LRRC8C: variants seen among roughly 807,000 people sequenced by gnomAD.
LRRC8C encodes the protein leucine rich repeat containing 8 VRAC subunit C.
LRRC8C carries 20 observed loss-of-function variants against 55.3 expected under a neutral mutation model. That is an observed-to-expected ratio of 0.36 (90% CI 0.25 to 0.53). The LOEUF is 0.53. LRRC8C is among the 20% of genes least tolerant of loss of function. The pLI is 0.92. For missense variants in LRRC8C, 659 were observed against 951.4 expected, an observed-to-expected ratio of 0.69 and a Z score of 4.04; for synonymous variants, 376 against 360.7, an observed-to-expected ratio of 1.04 and a Z score of -0.48.
Position 89,718,678 on chromosome 1 carries a change from TAA to T in LRRC8C, c.*3698_*3699del, listed in dbSNP as rs1046013819. ...GTCAGCATACTTAGTAGTGAACAGATAAAGTCAATTTGAATATAATTCCACTT... is the reference window on the plus strand; with the variant it reads ...GTCAGCATACTTAGTAGTGAACAGATAGTCAATTTGAATATAATTCCACTT... On this transcript the variant is annotated 3_prime_UTR_variant, in exon 3 of 3. Transcript: ENST00000370454. 44 of 152,304 alleles carry T rather than the reference TAA, an allele frequency of 2.9e-4. No individual in the cohort carries two copies. Among genetic ancestry groups the T allele is most frequent in the African/African-American group, 1.0e-3 (42 of 41,576 alleles). The allele number at this position is 152,304 out of a possible 1,614,324, so 9.4% of individuals were successfully genotyped here.
chr1:89,681,510 G>A (rs1277280304), intron 1 of LRRC8C, among the ~76,000 whole-genome samples: 1 of 152,198 alleles, frequency 6.6e-6, no homozygotes, highest in Admixed American at 6.5e-5. Flanking sequence ...CTGAGACTGG[G>A]TCATTTATAA....
intron 1 of LRRC8C, among the ~76,000 whole-genome samples, chr1:89,663,185 G>T (rs1364501359): frequency 5.3e-5 from 8 of 152,300 alleles, no homozygotes; most frequent in African/African-American, 1.9e-4. Flanking sequence ...GTATTCCATG[G>T]TGTATATGTG....
chr1:89,642,196 T>C (rs1050817429), intron 1 of LRRC8C, among the ~76,000 whole-genome samples: 3 of 152,344 alleles, frequency 2.0e-5, no homozygotes, highest in Admixed American at 6.5e-5. Flanking sequence ...TTGAGGACGC[T>C]TTTTTCCTCC....
intron 1 of LRRC8C, among the ~76,000 whole-genome samples, chr1:89,642,163 G>A (rs1656475134): frequency 6.6e-6 from 1 of 152,172 alleles, no homozygotes; most frequent in African/African-American, 2.4e-5. Context: ...TCTAGTACTT[G>A]TAACTGTGGT....
Position 89,714,993 on chromosome 1 carries a change from G to A in LRRC8C, c.*11G>A, listed in dbSNP as rs116787151. Reference sequence around the variant, plus strand: ...ATGAAAACAGAATAACTTATTTTTCGTTAAAGTTTGACTGAAACACGCTTC... The same window carrying A: ...ATGAAAACAGAATAACTTATTTTTCATTAAAGTTTGACTGAAACACGCTTC... On this transcript the variant is annotated 3_prime_UTR_variant, in exon 3 of 3. Transcript: ENST00000370454. This position sits in a 1 kb window ranked among gnomAD's most constrained non-coding sequence, Gnocchi z 4.6. 2.0e-3 allele frequency: 3,048 copies of A among 1,546,194 alleles called. 59 individuals are homozygous for A. In the African/African-American group the frequency reaches 0.036, roughly 18 times the overall value.
intron 1 of LRRC8C, among the ~76,000 whole-genome samples, chr1:89,651,364 C>T (rs1028975113): frequency 6.6e-6 from 1 of 152,000 alleles, no homozygotes; most frequent in Non-Finnish European, 1.5e-5. Context: ...GTCAGGAGAT[C>T]GAGACCATCC....
chr1:89,685,955 TC>T (rs1310916435), intron 1 of LRRC8C, among the ~76,000 whole-genome samples: 2 of 151,956 alleles, frequency 1.3e-5, no homozygotes, highest in African/African-American at 4.8e-5. Context: ...AACACTGTTT[TC>T]CTTTCCCATG....
chr1:89,633,602 C>A (rs1456942409), intron 1 of LRRC8C, among the ~76,000 whole-genome samples: 1 of 152,172 alleles, frequency 6.6e-6, no homozygotes, highest in Admixed American at 6.5e-5. Context: ...CGCCGCGCCG[C>A]AGCGGCAGGT....
chr1:89,677,203 G>GA (rs1295246818), intron 1 of LRRC8C, among the ~76,000 whole-genome samples: 1 of 152,138 alleles, frequency 6.6e-6, no homozygotes, highest in African/African-American at 2.4e-5. Context: ...AACACCCTTA[G>GA]AAAAATAGGT....
the LRRC8C span, among the ~76,000 whole-genome samples, chr1:89,620,251 A>G: frequency 6.6e-6 from 1 of 152,188 alleles, no homozygotes; most frequent in Non-Finnish European, 1.5e-5. Context: ...CACTTCCCAA[A>G]GGCCCCACTT....
At chr1:89,629,450 T>C (rs1053090974), upstream of LRRC8C, among the ~76,000 whole-genome samples, 5 of 152,204 alleles carry the variant, frequency 3.3e-5, no homozygotes, top group Non-Finnish European at 5.9e-5. Flanking sequence ...AAAACAAGAA[T>C]AGCAGGTTGA....
At chr1:89,674,909 T>C (rs1289103308) in intron 1 of LRRC8C, among the ~76,000 whole-genome samples, 2 of 152,232 alleles carry the variant, frequency 1.3e-5, no homozygotes, top group African/African-American at 2.4e-5. Context: ...ATCAGTCTCT[T>C]GGTTTCTGTG....
intron 1 of LRRC8C, among the ~76,000 whole-genome samples, chr1:89,641,410 G>C (rs964207972): frequency 6.6e-6 from 1 of 152,154 alleles, no homozygotes; most frequent in Admixed American, 6.5e-5. Flanking sequence ...TAACTGGATG[G>C]CTAGGTAGCT....
intron 1 of LRRC8C, among the ~76,000 whole-genome samples, chr1:89,652,532 G>A (rs896643315): frequency 7.2e-5 from 11 of 152,144 alleles, no homozygotes; most frequent in Non-Finnish European, 1.3e-4. Flanking sequence ...CTCTGTCATG[G>A]GTTTAGTGTG....
At chr1:89,711,335 T>C (rs1416617920) in intron 2 of LRRC8C, among the ~76,000 whole-genome samples, 1 of 152,260 alleles carries the variant, frequency 6.6e-6, no homozygotes, top group African/African-American at 2.4e-5. Context: ...TACTATGCTA[T>C]AGCAGACCAC....
chr1:89,653,435 A>T (rs750302226), intron 1 of LRRC8C, among the ~76,000 whole-genome samples: 3 of 152,232 alleles, frequency 2.0e-5, no homozygotes, highest in African/African-American at 7.2e-5. Context: ...AGAAAGCTTC[A>T]CTGTGCAGTC....
At chr1:89,693,646 C>CTTTTTTTTTTTTTTTTTTTT (rs35427989) in intron 2 of LRRC8C, among the ~76,000 whole-genome samples, 2 of 82,692 alleles carry the variant, frequency 2.4e-5, no homozygotes, top group Non-Finnish European at 4.6e-5. Context: ...TCTTTTCTTC[C>CTTTTTTTTTTTTTTTTTTTT]TTTTTTTTTT....
At chr1:89,670,669 A>C (rs1053542992) in intron 1 of LRRC8C, among the ~76,000 whole-genome samples, 3 of 152,218 alleles carry the variant, frequency 2.0e-5, no homozygotes, top group Admixed American at 1.3e-4. Context: ...TCTCTTTACA[A>C]ATCTATTTGG....
chr1:89,705,064 A>G (rs1241310659), intron 2 of LRRC8C, among the ~76,000 whole-genome samples: 1 of 151,956 alleles, frequency 6.6e-6, no homozygotes, highest in East Asian at 1.9e-4. Context: ...AAAATGTGGC[A>G]CATATACACC....
Sources: allele counts gnomAD v4.1 joint callset (sites outside exome capture counted in the v4.1 genomes callset), GRCh38; gene constraint gnomAD v4.1.1; non-coding constraint Gnocchi (gnomAD v3.1); transcripts MANE v1.5; gene names NCBI Gene and HGNC (gene_info 2026-07-23, HGNC 2026-07-21).